Variants in CUX1 observed in about 807,000 individuals in gnomAD.
CUX1 encodes protein CASP.
Under a neutral mutation model 158.8 loss-of-function variants are expected in CUX1, and 31 were observed. The observed-to-expected ratio is 0.20, with a 90% CI of 0.15 to 0.26. CUX1 has a LOEUF of 0.26. Ranked by LOEUF, CUX1 falls within the 10% of genes least tolerant of loss-of-function variation. The pLI is 1.00. For synonymous variants in CUX1, 879 were observed against 862.1 expected (o/e 1.02, Z -0.34); for missense variants, 1,589 against 2,014.6 (o/e 0.79, Z 4.04).
chr7:102,030,650 C>T (rs1185219660), intron 3 of CUX1, among the ~76,000 whole-genome samples: 2 of 136,138 alleles, frequency 1.5e-5, no homozygotes, highest in African/African-American at 2.8e-5. Context: ...TCACACATTA[C>T]ATTTGGAAAT....
chr7:102,093,154 A>G (rs1554482861), intron 4 of CUX1, among the ~76,000 whole-genome samples: 1 of 118,550 alleles, frequency 8.4e-6, no homozygotes, highest in African/African-American at 3.8e-5. Context: ...AAGAAAACAG[A>G]AGCTTTTTTT....
chr7:102,091,338 T>C (rs201437), intron 4 of CUX1, among the ~76,000 whole-genome samples: 28,495 of 151,996 alleles, frequency 0.19, 2,807 homozygotes, highest in Middle Eastern at 0.29. Flanking sequence ...TCTTTTTTTC[T>C]CTCTGTTTTG....
intron 9 of CUX1, among the ~76,000 whole-genome samples, chr7:102,165,690 G>A (rs1407410224): frequency 6.6e-6 from 1 of 152,080 alleles, no homozygotes; most frequent in Non-Finnish European, 1.5e-5. Context: ...CATCCTTCCT[G>A]GGGCCTTTCA....
Position 101,893,031 on chromosome 7 carries a change from AT to A in CUX1, c.31-23081del, listed in dbSNP as rs1801055503. On this transcript the variant is annotated intron_variant, in intron 1 of 23. Coordinates refer to ENST00000292535, the MANE Select transcript of CUX1 (RefSeq NM_181552.4). Reference sequence around the variant, plus strand: ...GAGGAGAGAAATACCGTCTTCTTGTATTTGGGGGGCAGGCTGTACATTTTAT... The same window carrying A: ...GAGGAGAGAAATACCGTCTTCTTGTATTGGGGGGCAGGCTGTACATTTTAT... Among the ~76,000 whole-genome samples the A allele has an allele frequency of 2.6e-5, 4 of 151,954 alleles. No individual in the cohort carries two copies. The South Asian group carries it at 8.3e-4, about 31-fold the overall frequency.
In CUX1 at chr7:102,101,421, G is replaced by A. The variant is rs898073099; in HGVS notation, c.407-2915G>A. Among the ~76,000 whole-genome samples, 5 of 152,138 alleles carry A rather than the reference G, an allele frequency of 3.3e-5. No homozygotes were observed. The East Asian group carries it at 9.7e-4, about 29-fold the overall frequency. On this transcript the variant is annotated intron_variant, in intron 5 of 23. Transcript: ENST00000292535. ...TACAGCCTGGGCCAGAAGGCCAGAG[G>A]CGCTAGGATAAAGTGGCCTCTGGCT...
chr7:102,136,473 C>T (rs180866736), intron 8 of CUX1, among the ~76,000 whole-genome samples: 60 of 152,142 alleles, frequency 3.9e-4, no homozygotes, highest in Non-Finnish European at 7.9e-4. Flanking sequence ...CTCACTGCAA[C>T]CTCCACCTCC....
chr7:102,035,312 A>T (rs1396029170), intron 3 of CUX1, among the ~76,000 whole-genome samples: 8 of 152,162 alleles, frequency 5.3e-5, no homozygotes, highest in African/African-American at 1.9e-4. Flanking sequence ...AATAAATTAC[A>T]TGAGCTGGTG....
Position 102,256,318 on chromosome 7 carries a change from A to T in CUX1, c.*7276A>T. ...TATAAAAGGATGTTTCCTTGAGAAAAAAAAAATTATTTCTATCCTCTTCTA... is the reference window on the plus strand; with the variant it reads ...TATAAAAGGATGTTTCCTTGAGAAATAAAAAATTATTTCTATCCTCTTCTA... On this transcript the variant is annotated 3_prime_UTR_variant, in exon 24 of 24. Transcript: ENST00000292535. 2 of 985,286 alleles carry T rather than the reference A, an allele frequency of 2.0e-6. No individual in the cohort carries two copies. The highest frequency in any genetic ancestry group is 2.4e-6 in the Non-Finnish European group (2 of 829,806). 61.0% of individuals were successfully genotyped at this position (985,286 alleles called of 1,614,324 possible).
In CUX1 at chr7:101,900,868, G is replaced by T. The variant is rs145280864; in HGVS notation, c.31-15247G>T. On this transcript the variant is annotated intron_variant, in intron 1 of 23. Transcript: ENST00000292535. ...TTCTCTTAGGCACCACCTCCCATCC[G>T]AACCCCAGAGCATATGGGAAAAGGA... Among the ~76,000 whole-genome samples, 34 of 152,244 alleles carry T rather than the reference G, an allele frequency of 2.2e-4. No individual in the cohort carries two copies. The East Asian group carries it at 6.2e-3, about 28-fold the overall frequency.
chr7:102,272,829 G>A (rs998629418), intron 14 of CUX1, among the ~76,000 whole-genome samples: 8 of 152,192 alleles, frequency 5.3e-5, no homozygotes, highest in Non-Finnish European at 7.4e-5. Context: ...TGGAGCCTCT[G>A]TTGGGGGCGG....
At chr7:101,862,077 C>T (rs750297069) in intron 1 of CUX1, among the ~76,000 whole-genome samples, 20 of 152,306 alleles carry the variant, frequency 1.3e-4, no homozygotes, top group Non-Finnish European at 2.5e-4. Flanking sequence ...TCATATGATT[C>T]GCCCACCTTG....
Position 101,972,822 on chromosome 7 carries a change from C to A in CUX1, c.142-55276C>A, listed in dbSNP as rs114352723. On this transcript the variant is annotated intron_variant, in intron 2 of 23. Coordinates refer to ENST00000292535, the MANE Select transcript of CUX1 (RefSeq NM_181552.4). The stretch of plus-strand genomic sequence containing the variant: ...GTCAGGAGGTGTCCCGGGAGCTCGC[C>A]GCGTGGTAACCAACAGACACAGCCC... Among the ~76,000 whole-genome samples, 904 of 152,280 alleles carry A rather than the reference C, an allele frequency of 5.9e-3. 6 individuals carry two copies. Among genetic ancestry groups the A allele is most frequent in the African/African-American group, 0.021 (858 of 41,562 alleles).
At chr7:102,273,304 G>C in intron 14 of CUX1, 1 of 1,581,448 alleles carries the variant, frequency 6.3e-7, no homozygotes, top group Non-Finnish European at 8.6e-7. Context: ...GGCAGAACCA[G>C]GGGAGGGCAC....
intron 3 of CUX1, among the ~76,000 whole-genome samples, chr7:102,061,623 A>T (rs564712072): frequency 6.6e-6 from 1 of 152,222 alleles, no homozygotes. Flanking sequence ...TCAAACCCTC[A>T]TGTGCCAACA....
intron 1 of CUX1, among the ~76,000 whole-genome samples, chr7:101,863,907 C>T (rs1338337310): frequency 6.6e-6 from 1 of 152,168 alleles, no homozygotes; most frequent in African/African-American, 2.4e-5. Flanking sequence ...AACAATATTC[C>T]GTGGTGTGTG....
intron 1 of CUX1, among the ~76,000 whole-genome samples, chr7:101,826,247 G>A (rs991548680): frequency 6.6e-6 from 1 of 151,842 alleles, no homozygotes; most frequent in Admixed American, 6.6e-5. Context: ...GTTGCCGGCT[G>A]GAGTGCAGTG....
chr7:102,223,787 T>G (rs191077505), intron 20 of CUX1, among the ~76,000 whole-genome samples: 3 of 152,068 alleles, frequency 2.0e-5, no homozygotes, highest in African/African-American at 7.2e-5. Context: ...TGGCCAACAT[T>G]GTGAAACCCC....
At chr7:102,126,988 A>C (rs1432335086) in intron 8 of CUX1, among the ~76,000 whole-genome samples, 1 of 152,128 alleles carries the variant, frequency 6.6e-6, no homozygotes, top group East Asian at 1.9e-4. Context: ...TCGCATGCGC[A>C]GTTCACAGTA....
intron 4 of CUX1, among the ~76,000 whole-genome samples, chr7:102,080,093 G>T (rs782278743): frequency 6.6e-6 from 1 of 152,194 alleles, no homozygotes; most frequent in Non-Finnish European, 1.5e-5. Context: ...TGACAAGATG[G>T]GCGTTAGGCC....
Sources: gnomAD v4.1 joint callset for allele counts (sites outside exome capture counted in the v4.1 genomes callset) on GRCh38, gnomAD v4.1.1 for gene constraint, MANE v1.5 for transcripts, NCBI Gene and HGNC (gene_info 2026-07-23, HGNC 2026-07-21) for gene names.